SMYD3: variants seen among roughly 807,000 people sequenced by gnomAD.
SMYD3 encodes the protein histone-lysine N-methyltransferase SMYD3.
In SMYD3, 36 loss-of-function variants were observed where a neutral mutation model predicts 57.7. That is an observed-to-expected ratio of 0.62 (90% CI 0.48 to 0.82). The LOEUF (loss-of-function observed/expected upper bound fraction) is 0.82, where lower values mean the gene tolerates loss of function less well. Ranked by LOEUF, SMYD3 falls within the 40% of genes least tolerant of loss-of-function variation. The probability of loss-of-function intolerance (pLI) is 0.00; values close to 1 mark genes in which losing one functional copy is unlikely to be tolerated. For synonymous variants in SMYD3, 211 were observed against 195.0 expected (o/e 1.08, Z -0.68); for missense variants, 515 against 538.8 (o/e 0.96, Z 0.44).
At chr1:246,219,183 C>G (rs899008917) in intron 5 of SMYD3, among the ~76,000 whole-genome samples, 10 of 152,090 alleles carry the variant, frequency 6.6e-5, no homozygotes, top group African/African-American at 2.4e-4. Flanking sequence ...AACTTACATC[C>G]CTGTTTCCCT....
At chr1:245,857,098 C>A (rs187563143) in intron 10 of SMYD3, among the ~76,000 whole-genome samples, 1 of 152,208 alleles carries the variant, frequency 6.6e-6, no homozygotes, top group African/African-American at 2.4e-5. Context: ...AGCCCTCAAG[C>A]CAATCCCTCA....
chr1:245,789,488 T>C (rs991492047), intron 10 of SMYD3, among the ~76,000 whole-genome samples: 29 of 152,210 alleles, frequency 1.9e-4, no homozygotes, highest in Admixed American at 2.0e-4. Context: ...TATTTGATTA[T>C]AGAATTCAAT....
chr1:246,412,515 G>C (rs2066993127), intron 1 of SMYD3, among the ~76,000 whole-genome samples: 1 of 151,736 alleles, frequency 6.6e-6, no homozygotes, highest in Non-Finnish European at 1.5e-5. Flanking sequence ...ACTATTTAAT[G>C]TGTTAAAAAG....
intron 5 of SMYD3, among the ~76,000 whole-genome samples, chr1:245,946,204 A>G (rs979193367): frequency 1.3e-5 from 2 of 152,192 alleles, no homozygotes; most frequent in African/African-American, 4.8e-5. Flanking sequence ...GAAGAGCCAG[A>G]AAGGAGATAC....
chr1:245,927,971 A>G lies in SMYD3; in HGVS notation c.662T>C (p.Leu221Pro). ...NCSIVFNGPH[L>P]LLRAVRDIEV... ...GATGTCTCGGACTGCTCGCAGTAAG[A>G]GGTGGGGCCCATTGAACACAATCGA... Residue 221 changes from leucine (L) to proline (P), a missense_variant, in exon 7 of 12, where the codon CTC (leucine) becomes CCC (proline). Coordinates refer to ENST00000490107, the MANE Select transcript of SMYD3 (RefSeq NM_001167740.2). The G allele has an allele frequency of 1.2e-6, 2 of 1,612,888 alleles. No individual in the cohort carries two copies. Among genetic ancestry groups the G allele is most frequent in the Non-Finnish European group, 1.7e-6 (2 of 1,179,290 alleles).
At chr1:245,930,833 G>C (rs989089244) in intron 5 of SMYD3, 1 of 152,198 alleles carries the variant, frequency 6.6e-6, no homozygotes, top group Non-Finnish European at 1.5e-5. Context: ...ATGCCAAGGA[G>C]AGAAACAAGG....
At chr1:246,311,509 C>T (rs1299940981) in intron 5 of SMYD3, among the ~76,000 whole-genome samples, 1 of 152,218 alleles carries the variant, frequency 6.6e-6, no homozygotes, top group Non-Finnish European at 1.5e-5. Flanking sequence ...AAGCACAAGC[C>T]CACTCAGCTA....
At chr1:246,422,258 G>C (rs1219309073) in intron 1 of SMYD3, among the ~76,000 whole-genome samples, 1 of 152,064 alleles carries the variant, frequency 6.6e-6, no homozygotes, top group Non-Finnish European at 1.5e-5. Flanking sequence ...TAAGGAAGAG[G>C]CCTTGTTAGG....
Position 246,173,899 on chromosome 1 carries a change from T to C in SMYD3, c.531+153302A>G, listed in dbSNP as rs142565892. Among the ~76,000 whole-genome samples, 38 of 152,250 alleles carry C rather than the reference T, an allele frequency of 2.5e-4. No individual in the cohort carries two copies. In the East Asian group the frequency reaches 6.8e-3, roughly 27 times the overall value. On this transcript the variant is annotated intron_variant, in intron 5 of 11. Coordinates refer to ENST00000490107, the MANE Select transcript of SMYD3 (RefSeq NM_001167740.2). ...ATAGCTCACATAAACCTCAAACTCC[T>C]GGGCTCAAGCTATCCTCCCACCTCG...
At chr1:246,273,482 G>A (rs1449970623) in intron 5 of SMYD3, among the ~76,000 whole-genome samples, 1 of 148,392 alleles carries the variant, frequency 6.7e-6, no homozygotes, top group Non-Finnish European at 1.5e-5. Context: ...TTTTATTTTA[G>A]CAATTGGAAT....
At chr1:245,754,137 C>T (rs997421050) in intron 11 of SMYD3, among the ~76,000 whole-genome samples, 3 of 151,824 alleles carry the variant, frequency 2.0e-5, no homozygotes, top group Non-Finnish European at 4.4e-5. Context: ...GAGAAAGGGT[C>T]CCCAGAATTG....
intron 5 of SMYD3, among the ~76,000 whole-genome samples, chr1:246,157,750 G>A (rs1314290250): frequency 2.0e-5 from 3 of 152,146 alleles, no homozygotes; most frequent in African/African-American, 7.2e-5. Flanking sequence ...AATCCCTAGT[G>A]GAACTGCGTT....
chr1:246,354,118 A>C (rs1419994852), intron 2 of SMYD3, among the ~76,000 whole-genome samples: 5 of 152,238 alleles, frequency 3.3e-5, no homozygotes, highest in South Asian at 2.1e-4. Flanking sequence ...TATACAAAAC[A>C]TAAGAAACAA....
At chr1:245,856,455 G>A (rs535211965) in intron 10 of SMYD3, among the ~76,000 whole-genome samples, 7 of 152,280 alleles carry the variant, frequency 4.6e-5, no homozygotes, top group African/African-American at 1.7e-4. Flanking sequence ...AAGAGATTGT[G>A]ACCTGCCAAA....
intron 10 of SMYD3, among the ~76,000 whole-genome samples, chr1:245,805,749 C>G (rs941987681): frequency 1.4e-4 from 21 of 150,554 alleles, no homozygotes; most frequent in African/African-American, 5.3e-4. Context: ...TGTGTACTGT[C>G]CCCATTCAGA....
chr1:246,147,984 C>T (rs2061880007), intron 5 of SMYD3, among the ~76,000 whole-genome samples: 1 of 152,128 alleles, frequency 6.6e-6, no homozygotes, highest in Admixed American at 6.5e-5. Context: ...CAGATGCCTG[C>T]TCTGATCTCC....
At chr1:245,814,826 G>GCACA (rs1398390401) in intron 10 of SMYD3, among the ~76,000 whole-genome samples, 1 of 149,618 alleles carries the variant, frequency 6.7e-6, no homozygotes, top group African/African-American at 2.5e-5. Context: ...ACACACGCAC[G>GCACA]CACACACGCA....
intron 5 of SMYD3, among the ~76,000 whole-genome samples, chr1:245,979,450 A>G (rs1223485472): frequency 2.0e-5 from 3 of 152,244 alleles, no homozygotes; most frequent in East Asian, 3.8e-4. Context: ...CCGAAATTCA[A>G]CATGACTGGC....
intron 5 of SMYD3, among the ~76,000 whole-genome samples, chr1:246,232,907 C>T (rs2063438047): frequency 7.4e-6 from 1 of 134,518 alleles, no homozygotes; most frequent in Non-Finnish European, 1.6e-5. Flanking sequence ...GAGAAGCACT[C>T]CTCAATTCAC....
Sources: gnomAD v4.1 joint callset for allele counts (sites outside exome capture counted in the v4.1 genomes callset) on GRCh38, gnomAD v4.1.1 for gene constraint, MANE v1.5 for transcripts, NCBI Gene and HGNC (gene_info 2026-07-23, HGNC 2026-07-21) for gene names.